Variants in KYNU observed in about 807,000 individuals in gnomAD.
KYNU encodes L-kynurenine hydrolase.
A neutral mutation model predicts 59.2 loss-of-function variants in KYNU; 54 were observed. The observed-to-expected ratio is 0.91, with a 90% CI of 0.73 to 1.14. KYNU has a LOEUF of 1.14. Among genes scored for constraint, KYNU ranks in the 50% most tolerant of loss-of-function variants. KYNU has a pLI of 0.00. For missense variants in KYNU, 567 were observed against 554.4 expected (o/e 1.02, Z -0.23); for synonymous variants, 177 against 192.0 (o/e 0.92, Z 0.65).
intron 2 of KYNU, among the ~76,000 whole-genome samples, chr2:142,887,972 T>A (rs1286229074): frequency 6.6e-6 from 1 of 152,192 alleles, no homozygotes; most frequent in Non-Finnish European, 1.5e-5. Flanking sequence ...AAAGCAGCAT[T>A]GTACATATAA....
At chr2:143,038,886 A>G (rs958629627) in intron 12 of KYNU, among the ~76,000 whole-genome samples, 2 of 152,158 alleles carry the variant, frequency 1.3e-5, no homozygotes, top group Non-Finnish European at 1.5e-5. Context: ...TTTGCTCTTG[A>G]TATCTTTGCT....
intron 2 of KYNU, among the ~76,000 whole-genome samples, chr2:142,913,096 T>C (rs1416817178): frequency 6.6e-6 from 1 of 152,194 alleles, no homozygotes; most frequent in Non-Finnish European, 1.5e-5. Flanking sequence ...GTTTTTTTCT[T>C]TTTAATCTAG....
chr2:142,942,817 C>A (rs1252965338), intron 4 of KYNU, among the ~76,000 whole-genome samples: 1 of 152,166 alleles, frequency 6.6e-6, no homozygotes, highest in Non-Finnish European at 1.5e-5. Context: ...TGTCCCTTCT[C>A]CCCTGATTCT....
At chr2:142,966,351 C>A (rs1236592484) in intron 8 of KYNU, among the ~76,000 whole-genome samples, 1 of 152,114 alleles carries the variant, frequency 6.6e-6, no homozygotes, top group Non-Finnish European at 1.5e-5. Context: ...CTTTTGTGTC[C>A]ACAGCCTCTG....
rs997470415 is a variant in KYNU, at chr2:143,049,203, A to T, written c.*7031A>T. 4 of 152,092 alleles carry T rather than the reference A, an allele frequency of 2.6e-5. No homozygotes were observed. The highest frequency in any genetic ancestry group is 9.7e-5 in the African/African-American group (4 of 41,404). 9.4% of individuals were successfully genotyped at this position (152,092 alleles called of 1,614,324 possible). A position where few individuals can be genotyped will look rare whatever the true frequency, so the allele number is the denominator to read the frequency against. On this transcript the variant is annotated 3_prime_UTR_variant, in exon 14 of 14. Coordinates refer to ENST00000264170, the MANE Select transcript of KYNU (RefSeq NM_003937.3). Reference sequence around the variant, plus strand: ...CTATTTCTTTGAATTTCTGGGCTGCATTCTTAAGAATTCTAAAACATATAT... The same window carrying T: ...CTATTTCTTTGAATTTCTGGGCTGCTTTCTTAAGAATTCTAAAACATATAT...
intron 5 of KYNU, among the ~76,000 whole-genome samples, chr2:142,955,429 A>G (rs1472091036): frequency 6.6e-5 from 10 of 152,044 alleles, no homozygotes; most frequent in African/African-American, 9.7e-5. Flanking sequence ...TGACTGCCCA[A>G]TGCTTTAAAG....
At chr2:142,995,939 C>G (rs1445583401) in intron 10 of KYNU, among the ~76,000 whole-genome samples, 1 of 152,038 alleles carries the variant, frequency 6.6e-6, no homozygotes, top group Admixed American at 6.6e-5. Flanking sequence ...TCGGTGTTCT[C>G]TATATGTGCC....
chr2:142,924,433 C>T (rs558107757), intron 3 of KYNU, among the ~76,000 whole-genome samples: 2 of 152,158 alleles, frequency 1.3e-5, no homozygotes, highest in South Asian at 4.2e-4. Context: ...GGCTAATCAT[C>T]AATTGGATCA....
rs1184177776 is a variant in KYNU at position 143,017,434 on chromosome 2, C to CTTTTTT, written c.903-12174_903-12169dup. Reference sequence around the variant, plus strand: ...TTTTTTGACCTTTTCTCTCTTTTTTCTTTTTTTTTTTTTTTTTTTTTTTTG... The same window carrying CTTTTTT: ...TTTTTTGACCTTTTCTCTCTTTTTTCTTTTTTTTTTTTTTTTTTTTTTTTTTTTTTG... On this transcript the variant is annotated intron_variant, in intron 10 of 13. Transcript: ENST00000264170. Among the ~76,000 whole-genome samples the CTTTTTT allele has an allele frequency of 2.5e-3, 168 of 68,444 alleles. 1 individual carries two copies. The highest frequency in any genetic ancestry group is 3.0e-3 in the Non-Finnish European group (117 of 38,584). The allele number at this position is 68,444 out of a possible 152,430, so 44.9% of individuals were successfully genotyped here. A position where few individuals can be genotyped will look rare whatever the true frequency, so the allele number is the denominator to read the frequency against.
chr2:142,892,653 A>T (rs1681751980), intron 2 of KYNU, among the ~76,000 whole-genome samples: 1 of 152,304 alleles, frequency 6.6e-6, no homozygotes, highest in Admixed American at 6.5e-5. Flanking sequence ...CAGTAAATAC[A>T]TGAAATACTC....
intron 5 of KYNU, among the ~76,000 whole-genome samples, chr2:142,955,253 G>A (rs937725986): frequency 1.3e-5 from 2 of 151,972 alleles, no homozygotes; most frequent in Non-Finnish European, 2.9e-5. Flanking sequence ...GTATACTTTT[G>A]TATATTAATA....
intron 11 of KYNU, among the ~76,000 whole-genome samples, chr2:143,030,463 C>A (rs1686707250): frequency 6.6e-6 from 1 of 152,108 alleles, no homozygotes; most frequent in Non-Finnish European, 1.5e-5. Context: ...AATTTGTTTT[C>A]ATTTTTTATT....
chr2:143,033,178 C>A, intron 11 of KYNU, 58 bp from the exon 12 acceptor site: 4 of 1,199,694 alleles, frequency 3.3e-6, no homozygotes, highest in Non-Finnish European at 5.0e-6. Context: ...ACTCTAGTAT[C>A]TTTATGGACA....
intron 3 of KYNU, 47 bp from the exon 4 acceptor site, chr2:142,927,612 C>A: frequency 7.8e-7 from 1 of 1,280,936 alleles, no homozygotes; most frequent in Non-Finnish European, 1.1e-6. Context: ...TAATCACACA[C>A]ATGCACATAA....
intron 4 of KYNU, among the ~76,000 whole-genome samples, chr2:142,946,718 T>C (rs1422697272): frequency 1.3e-5 from 2 of 152,304 alleles, no homozygotes; most frequent in South Asian, 2.1e-4. Flanking sequence ...TAAATAAATA[T>C]TGGCCTAAAC....
At position 142,908,511 on chromosome 2, in the gene KYNU, AT is replaced by A. The variant is rs1377317554; in HGVS notation, c.170-10097del. 1.1e-4 allele frequency among the ~76,000 whole-genome samples: 16 copies of A among 152,242 alleles called. No homozygotes were observed. The East Asian group carries it at 3.1e-3, about 29-fold the overall frequency. On this transcript the variant is annotated intron_variant, in intron 2 of 13. Transcript: ENST00000264170. Reference sequence around the variant, plus strand: ...GGTTGTGGGATTTTTTTTAAAAAAAATATGCCTATATTAGAGTCCTACACCA... The same window carrying A: ...GGTTGTGGGATTTTTTTTAAAAAAAAATGCCTATATTAGAGTCCTACACCA...
intron 8 of KYNU, among the ~76,000 whole-genome samples, chr2:142,976,744 T>A (rs1337758702): frequency 1.3e-5 from 2 of 152,156 alleles, no homozygotes; most frequent in Admixed American, 1.3e-4. Flanking sequence ...CCTCAGGAGC[T>A]CCTGATGACA....
Position 142,911,318 on chromosome 2 carries a change from C to T in KYNU, c.170-7291C>T, listed in dbSNP as rs550224249. On this transcript the variant is annotated intron_variant, in intron 2 of 13. Coordinates refer to ENST00000264170, the MANE Select transcript of KYNU (RefSeq NM_003937.3). ...ATTTCTTAGTGTTTTACTGTTTTTTCGCTGTTGCAAATGGGATTGTATTAT... is the reference window on the plus strand; with the variant it reads ...ATTTCTTAGTGTTTTACTGTTTTTTTGCTGTTGCAAATGGGATTGTATTAT... 3.4e-4 allele frequency among the ~76,000 whole-genome samples: 52 copies of T among 151,966 alleles called. 1 individual carries two copies. The South Asian group carries it at 6.4e-3, about 19-fold the overall frequency.
intron 2 of KYNU, among the ~76,000 whole-genome samples, chr2:142,915,597 A>G (rs1393156671): frequency 6.6e-6 from 1 of 152,176 alleles, no homozygotes; most frequent in Admixed American, 6.5e-5. Flanking sequence ...GATGCACTAA[A>G]ATGCTCCTCA....
Sources: allele counts gnomAD v4.1 joint callset (sites outside exome capture counted in the v4.1 genomes callset), GRCh38; gene constraint gnomAD v4.1.1; transcripts MANE v1.5; gene names NCBI Gene and HGNC (gene_info 2026-07-23, HGNC 2026-07-21).